The following MSH4 variants were observed in gnomAD, a reference collection of about 807,000 sequenced individuals.
MSH4 encodes the protein mutS protein homolog 4.
Under a neutral mutation model 113.7 loss-of-function variants are expected in MSH4, and 106 were observed. The observed-to-expected ratio is 0.93, with a 90% CI of 0.80 to 1.10. MSH4 has a LOEUF of 1.10. Ranked by LOEUF, MSH4 falls within the 50% of genes least tolerant of loss-of-function variation. The probability of loss-of-function intolerance (pLI) is 0.00; values close to 1 mark genes in which losing one functional copy is unlikely to be tolerated. For missense variants in MSH4, 1,061 were observed against 1,093.7 expected, an observed-to-expected ratio of 0.97 and a Z score of 0.42; for synonymous variants, 368 against 380.2, an observed-to-expected ratio of 0.97 and a Z score of 0.37.
rs1650293259 is a variant in MSH4, at chr1:75,816,398, G to T, written c.841G>T (p.Ala281Ser). ...GTATTACTGCCTTGCAGCTGTTGCAGCTTTGTTAAAATATGTTGAATTTAT... is the reference window on the plus strand; with the variant it reads ...GTATTACTGCCTTGCAGCTGTTGCATCTTTGTTAAAATATGTTGAATTTAT... ...SKYYCLAAVA[A>S]LLKYVEFIQN... is the part of the protein sequence containing the mutation. Residue 281 changes from alanine (A) to serine (S), a missense_variant, in exon 6 of 20, where the codon GCT (alanine) becomes TCT (serine). Transcript: ENST00000263187. The T allele has an allele frequency of 1.2e-6, 2 of 1,604,700 alleles. No homozygotes were observed. The highest frequency in any genetic ancestry group is 1.7e-5 in the Admixed American group (1 of 59,674).
chr1:75,831,531 G>T (rs1257441490), intron 7 of MSH4, among the ~76,000 whole-genome samples: 1 of 152,110 alleles, frequency 6.6e-6, no homozygotes, highest in Non-Finnish European at 1.5e-5. Flanking sequence ...CCACATAGTT[G>T]GAAGTACAGC....
At chr1:75,801,396 C>G (rs951719623) in intron 1 of MSH4, among the ~76,000 whole-genome samples, 2 of 151,102 alleles carry the variant, frequency 1.3e-5, no homozygotes, top group African/African-American at 2.5e-5. Flanking sequence ...AAAACCCTGT[C>G]TCTATTAAAA....
intron 7 of MSH4, among the ~76,000 whole-genome samples, chr1:75,831,110 G>T (rs985686742): frequency 6.6e-6 from 1 of 151,670 alleles, no homozygotes; most frequent in African/African-American, 2.4e-5. Context: ...CCAAGCAAAT[G>T]GAAAACAAAA....
At chr1:75,848,716 G>A (rs1015311062) in intron 8 of MSH4, among the ~76,000 whole-genome samples, 1 of 152,010 alleles carries the variant, frequency 6.6e-6, no homozygotes, top group Non-Finnish European at 1.5e-5. Context: ...TCCAGCCTGG[G>A]TAACATAGTG....
At chr1:75,837,909 C>G (rs909899688) in intron 7 of MSH4, among the ~76,000 whole-genome samples, 1 of 152,188 alleles carries the variant, frequency 6.6e-6, no homozygotes, top group African/African-American at 2.4e-5. Flanking sequence ...ATTCTCTCAT[C>G]TCATTTCTTA....
At chr1:75,810,567 T>G (rs1650170433) in intron 3 of MSH4, 130 bp from the exon 4 acceptor site, 1 of 432,464 alleles carries the variant, frequency 2.3e-6, no homozygotes. Context: ...ATATTTTAAT[T>G]GAAATATATC....
At chr1:75,877,024 A>G in intron 10 of MSH4, 24 bp downstream of exon 10, 1 of 1,425,876 alleles carries the variant, frequency 7.0e-7, no homozygotes, top group South Asian at 1.4e-5. Flanking sequence ...AACCGTTAAT[A>G]AAAAATAAGA....
At chr1:75,865,542 C>G (rs1651544729) in intron 8 of MSH4, among the ~76,000 whole-genome samples, 1 of 152,148 alleles carries the variant, frequency 6.6e-6, no homozygotes, top group Non-Finnish European at 1.5e-5. Context: ...CAAGGAGAAA[C>G]ATGGGCAAAA....
intron 9 of MSH4, among the ~76,000 whole-genome samples, chr1:75,868,961 G>T (rs771355502): frequency 6.6e-6 from 1 of 152,176 alleles, no homozygotes; most frequent in African/African-American, 2.4e-5. Flanking sequence ...GGGTGCTGCT[G>T]TAAAGGTACC....
intron 9 of MSH4, among the ~76,000 whole-genome samples, chr1:75,874,585 T>A (rs1427793330): frequency 6.6e-6 from 1 of 151,992 alleles, no homozygotes; most frequent in Middle Eastern, 3.2e-3. Context: ...TCCTCCTGAG[T>A]CACTGGGATT....
At chr1:75,814,137 A>C (rs915372210) in intron 4 of MSH4, among the ~76,000 whole-genome samples, 1 of 151,952 alleles carries the variant, frequency 6.6e-6, no homozygotes, top group African/African-American at 2.4e-5. Flanking sequence ...CCTTTTACTT[A>C]ACAACTTGAT....
At chr1:75,827,396 A>G (rs929402310) in intron 7 of MSH4, among the ~76,000 whole-genome samples, 1 of 152,164 alleles carries the variant, frequency 6.6e-6, no homozygotes, top group African/African-American at 2.4e-5. Flanking sequence ...CCATAATATA[A>G]ACACCAACAA....
rs1296690168 is a variant in MSH4, at chr1:75,906,135, C to A, written c.2619+6429C>A. On this transcript the variant is annotated intron_variant, in intron 19 of 19. Coordinates refer to ENST00000263187, the MANE Select transcript of MSH4 (RefSeq NM_002440.4). The stretch of plus-strand genomic sequence containing the variant: ...CCTCCCAAGTAGCTGGGATTACAGG[C>A]ACCCGCCTGTACACCCAGCTAATTT... Among the ~76,000 whole-genome samples the A allele has an allele frequency of 2.6e-5, 4 of 151,688 alleles. No individual in the cohort carries two copies. The East Asian group carries it at 7.8e-4, about 30-fold the overall frequency.
chr1:75,852,086 C>G (rs1419319909), intron 8 of MSH4, among the ~76,000 whole-genome samples: 2 of 152,198 alleles, frequency 1.3e-5, no homozygotes, highest in Non-Finnish European at 2.9e-5. Context: ...TTGTCTGTCT[C>G]TACAGATTTG....
At chr1:75,862,465 G>A (rs1651479213) in intron 8 of MSH4, among the ~76,000 whole-genome samples, 1 of 152,146 alleles carries the variant, frequency 6.6e-6, no homozygotes, top group African/African-American at 2.4e-5. Flanking sequence ...CTTTAGTTTT[G>A]GGAGAATCAG....
Position 75,912,954 on chromosome 1 carries a change from T to C in MSH4, c.*67T>C. The C allele has an allele frequency of 9.8e-7, 1 of 1,020,332 alleles. No homozygotes were observed. Among genetic ancestry groups the C allele is most frequent in the East Asian group, 3.2e-5 (1 of 31,596 alleles). The allele number at this position is 1,020,332 out of a possible 1,614,324, so 63.2% of individuals were successfully genotyped here. A position where few individuals can be genotyped will look rare whatever the true frequency, so the allele number is the denominator to read the frequency against. On this transcript the variant is annotated 3_prime_UTR_variant, in exon 20 of 20. Transcript: ENST00000263187. ...TAGAATTTATTTTTCTCCTTAGAGA[T>C]AAGGAAAATAACATTTGCCAAATTT...
intron 2 of MSH4, among the ~76,000 whole-genome samples, chr1:75,806,308 C>T (rs1319975216): frequency 8.1e-6 from 1 of 122,876 alleles, no homozygotes; most frequent in African/African-American, 3.1e-5. Context: ...AGTGCAGTGG[C>T]GCGATCCCGG....
chr1:75,881,027 G>A (rs5745464), intron 13 of MSH4, among the ~76,000 whole-genome samples: 40,621 of 151,766 alleles, frequency 0.27, 7,003 homozygotes, highest in East Asian at 0.69. Flanking sequence ...TACACAAGAA[G>A]ATAGATTCTT....
intron 14 of MSH4, 87 bp downstream of exon 14, chr1:75,881,457 A>G (rs1651931689): frequency 2.8e-6 from 4 of 1,407,698 alleles, no homozygotes; most frequent in Non-Finnish European, 3.9e-6. Context: ...ATGACATTTA[A>G]AATTTTTAAC....
Sources: allele counts gnomAD v4.1 joint callset (sites outside exome capture counted in the v4.1 genomes callset), GRCh38; gene constraint gnomAD v4.1.1; transcripts MANE v1.5; gene names NCBI Gene and HGNC (gene_info 2026-07-23, HGNC 2026-07-21).